The following KIF5C variants were observed in gnomAD, a reference collection of about 807,000 sequenced individuals.
KIF5C encodes kinesin family member 5C, also known as kinesin heavy chain isoform 5C.
KIF5C carries 18 observed loss-of-function variants against 125.2 expected under a neutral mutation model. The observed-to-expected ratio is 0.14, with a 90% CI of 0.10 to 0.21. KIF5C has a LOEUF of 0.21. Among genes scored for constraint, KIF5C ranks in the 10% least tolerant of loss-of-function variants. The pLI is 1.00. For missense variants in KIF5C, 780 were observed against 1,183.8 expected, an observed-to-expected ratio of 0.66 and a Z score of 5.01; for synonymous variants, 405 against 434.0, an observed-to-expected ratio of 0.93 and a Z score of 0.83.
At chr2:148,934,233 A>T (rs545924849) in intron 3 of KIF5C, among the ~76,000 whole-genome samples, 1 of 151,160 alleles carries the variant, frequency 6.6e-6, no homozygotes, top group East Asian at 2.0e-4. Context: ...ATACATATAC[A>T]CACAGATATA....
At chr2:148,996,236 G>A (rs1435546467) in intron 17 of KIF5C, among the ~76,000 whole-genome samples, 3 of 152,200 alleles carry the variant, frequency 2.0e-5, no homozygotes, top group Non-Finnish European at 4.4e-5. Flanking sequence ...GTTGGGATTG[G>A]TGATGCTGTT....
intron 14 of KIF5C, 64 bp from the exon 15 acceptor site, chr2:148,983,556 T>G: frequency 6.9e-7 from 1 of 1,459,158 alleles, no homozygotes; most frequent in Non-Finnish European, 9.1e-7. Flanking sequence ...TTATTCTTTG[T>G]AATGTGGAGT....
intron 1 of KIF5C, among the ~76,000 whole-genome samples, chr2:148,886,682 G>A (rs1329228169): frequency 6.6e-6 from 1 of 152,134 alleles, no homozygotes; most frequent in Non-Finnish European, 1.5e-5. Flanking sequence ...CTAATTGTTT[G>A]TTTATATGAT....
chr2:149,017,355 G>A (rs1216509603), intron 25 of KIF5C, among the ~76,000 whole-genome samples: 1 of 152,156 alleles, frequency 6.6e-6, no homozygotes, highest in Non-Finnish European at 1.5e-5. Flanking sequence ...GAAGCCAGAT[G>A]ATCAGCTGAG....
intron 23 of KIF5C, among the ~76,000 whole-genome samples, chr2:149,008,654 T>A (rs1163753588): frequency 6.6e-6 from 1 of 152,228 alleles, no homozygotes; most frequent in Admixed American, 6.5e-5. Flanking sequence ...CACCAGTGAT[T>A]TCAGCAGGTC....
chr2:148,958,216 A>G (rs1682844654), intron 10 of KIF5C, among the ~76,000 whole-genome samples: 1 of 152,164 alleles, frequency 6.6e-6, no homozygotes, highest in South Asian at 2.1e-4. Context: ...AGGTGGGAGC[A>G]GGTCATAAGG....
intron 3 of KIF5C, 76 bp from the exon 4 acceptor site, chr2:148,937,208 C>T: frequency 6.6e-7 from 1 of 1,523,698 alleles, no homozygotes; most frequent in Non-Finnish European, 8.8e-7. Context: ...CTGAGGAACC[C>T]AGAGATGGTT....
Position 148,880,230 on chromosome 2 carries a change from C to T in KIF5C, c.126+4487C>T, listed in dbSNP as rs1408441276. The stretch of plus-strand genomic sequence containing the variant: ...CTGCCTCCTGGGTTCAAGCAATTCT[C>T]CTGCCTCAGCCTCCCAGGTAGCTGG... On this transcript the variant is annotated intron_variant, in intron 1 of 25. Transcript: ENST00000435030. Among the ~76,000 whole-genome samples the T allele has an allele frequency of 3.3e-5, 5 of 152,120 alleles. No individual in the cohort carries two copies. The South Asian group carries it at 8.3e-4, about 25-fold the overall frequency.
chr2:149,012,740 C>A (rs1244846213), intron 25 of KIF5C, among the ~76,000 whole-genome samples: 1 of 152,246 alleles, frequency 6.6e-6, no homozygotes, highest in African/African-American at 2.4e-5. Flanking sequence ...AAGGCGGAGG[C>A]AGCCCGCGGG....
intron 21 of KIF5C, among the ~76,000 whole-genome samples, chr2:149,002,712 A>G (rs563436407): frequency 1.2e-4 from 18 of 152,116 alleles, no homozygotes; most frequent in African/African-American, 4.1e-4. Context: ...CCTCACACGC[A>G]CGCAGGCGCA....
rs554625171 is a variant in KIF5C, at chr2:148,988,088, G to A, written c.1717-2922G>A. On this transcript the variant is annotated intron_variant, in intron 15 of 25. Coordinates refer to ENST00000435030, the MANE Select transcript of KIF5C (RefSeq NM_004522.3). ...CATTGATACTGGATCCCATGGTCTA[G>A]TATGTACTACTGGGGGCATTATCAG... is the stretch of plus-strand genomic sequence containing the variant. Among the ~76,000 whole-genome samples the A allele has an allele frequency of 8.2e-4, 125 of 152,042 alleles. 2 individuals carry two copies. The highest frequency in any genetic ancestry group is 4.4e-3 in the South Asian group (21 of 4,812).
chr2:149,010,379 G>A (rs908890312), intron 24 of KIF5C, 28 bp downstream of exon 24: 7 of 1,515,576 alleles, frequency 4.6e-6, no homozygotes, highest in South Asian at 1.3e-5. Flanking sequence ...GGCGCCCGGG[G>A]TTTGAGAAGC....
At chr2:148,911,214 AAAGAG>A (rs1032285716) in intron 1 of KIF5C, among the ~76,000 whole-genome samples, 7 of 152,204 alleles carry the variant, frequency 4.6e-5, no homozygotes, top group African/African-American at 1.2e-4. Context: ...GGAAGGTGCA[AAAGAG>A]AAGAGAAGAG....
chr2:148,963,673 T>C (rs1222356975), intron 11 of KIF5C, among the ~76,000 whole-genome samples: 1 of 152,050 alleles, frequency 6.6e-6, no homozygotes, highest in Non-Finnish European at 1.5e-5. Context: ...CCATATGAAG[T>C]TTTATTTCGG....
intron 3 of KIF5C, among the ~76,000 whole-genome samples, chr2:148,937,047 T>C (rs1682306491): frequency 6.6e-6 from 1 of 152,194 alleles, no homozygotes; most frequent in African/African-American, 2.4e-5. Flanking sequence ...ATGTGGGGCC[T>C]CAGAACTTGG....
At chr2:148,884,941 T>A (rs1681469832) in intron 1 of KIF5C, among the ~76,000 whole-genome samples, 1 of 148,384 alleles carries the variant, frequency 6.7e-6, no homozygotes, top group Non-Finnish European at 1.5e-5. Context: ...TCCCAGCCTA[T>A]CCCCCCCTCA....
intron 15 of KIF5C, among the ~76,000 whole-genome samples, chr2:148,985,113 T>C (rs1158863023): frequency 6.6e-6 from 1 of 152,102 alleles, no homozygotes; most frequent in Non-Finnish European, 1.5e-5. Context: ...ATTGGTGCTG[T>C]TGACAGCGAG....
intron 1 of KIF5C, among the ~76,000 whole-genome samples, chr2:148,893,870 A>G (rs914796969): frequency 6.6e-6 from 1 of 152,258 alleles, no homozygotes; most frequent in African/African-American, 2.4e-5. Context: ...AGCTGCCTAC[A>G]TATTGCTTTT....
chr2:148,892,352 T>C (rs1246013303), intron 1 of KIF5C, among the ~76,000 whole-genome samples: 4 of 152,240 alleles, frequency 2.6e-5, no homozygotes, highest in Non-Finnish European at 5.9e-5. Flanking sequence ...AGGCTGCCTC[T>C]TTGAATCAGC....
Sources: gnomAD v4.1 joint callset for allele counts (sites outside exome capture counted in the v4.1 genomes callset) on GRCh38, gnomAD v4.1.1 for gene constraint, MANE v1.5 for transcripts, NCBI Gene and HGNC (gene_info 2026-07-23, HGNC 2026-07-21) for gene names.